Variants in SI observed in about 807,000 individuals in gnomAD.
SI encodes sucrase-isomaltase, intestinal.
In SI, 235 loss-of-function variants were observed where a neutral mutation model predicts 253.3. That is an observed-to-expected ratio of 0.93 (90% CI 0.83 to 1.03). The LOEUF is 1.03. Among genes scored for constraint, SI ranks in the 50% least tolerant of loss-of-function variants. The pLI is 0.00. For missense variants in SI, 2,442 were observed against 2,211.1 expected (o/e 1.10, Z -2.09); for synonymous variants, 819 against 712.0 (o/e 1.15, Z -2.39).
chr3:165,048,240 T>C (rs939859241), intron 15 of SI, among the ~76,000 whole-genome samples: 8 of 151,994 alleles, frequency 5.3e-5, no homozygotes, highest in African/African-American at 1.9e-4. Context: ...TACTGACTAT[T>C]GTATCACAGG....
At chr3:165,031,767 C>T (rs975557677) in intron 24 of SI, among the ~76,000 whole-genome samples, 1 of 150,574 alleles carries the variant, frequency 6.6e-6, no homozygotes, top group African/African-American at 2.4e-5. Context: ...AAAATAATTG[C>T]TTTCGTGTTT....
At chr3:165,011,662 A>G (rs1718772728) in intron 34 of SI, among the ~76,000 whole-genome samples, 2 of 148,194 alleles carry the variant, frequency 1.3e-5, no homozygotes, top group Non-Finnish European at 1.5e-5. Context: ...TTCTTTGTTG[A>G]TTTGCTCTCT....
In SI at chr3:164,982,428, G is replaced by A. The variant is rs772233521; in HGVS notation, c.5248-18C>T. 50 of 1,573,564 alleles carry A rather than the reference G, an allele frequency of 3.2e-5. No individual in the cohort carries two copies. In the South Asian group the frequency reaches 4.1e-4, roughly 13 times the overall value. ...AAGGTGGTCTATAAATAAAGAAAAA[G>A]GAATAACATAAACACTTTATTTGCA... On this transcript the variant is annotated intron_variant, in intron 46 of 47. Transcript: ENST00000264382.
chr3:165,002,687 T>C (rs1365605942), intron 37 of SI, among the ~76,000 whole-genome samples: 2 of 151,808 alleles, frequency 1.3e-5, no homozygotes, highest in Non-Finnish European at 3.0e-5. Context: ...AGTGTTTTTT[T>C]ACATTTGTCA....
intron 16 of SI, among the ~76,000 whole-genome samples, 164 bp downstream of exon 16, chr3:165,046,677 G>A (rs984292405): frequency 5.9e-5 from 9 of 151,748 alleles, no homozygotes; most frequent in African/African-American, 1.9e-4. Context: ...GGAAATTATA[G>A]ATACCATCTG....
Position 165,042,989 on chromosome 3 carries a change from T to C in SI, c.2004+70A>G. On this transcript the variant is annotated intron_variant, in intron 17 of 47. Transcript: ENST00000264382. ...TTTCAGACCATATACTCTATAGATTTAATTTAAGTACATTAATAAAAACTA... is the reference window on the plus strand; with the variant it reads ...TTTCAGACCATATACTCTATAGATTCAATTTAAGTACATTAATAAAAACTA... 3.2e-6 allele frequency: 3 copies of C among 934,504 alleles called. No homozygotes were observed. The South Asian group carries it at 3.9e-5, about 12-fold the overall frequency. 57.9% of individuals were successfully genotyped at this position (934,504 alleles called of 1,614,324 possible).
At chr3:165,018,186 C>A (rs1367935363) in intron 28 of SI, 120 bp from the exon 29 acceptor site, 33 of 677,932 alleles carry the variant, frequency 4.9e-5, no homozygotes, top group Non-Finnish European at 4.0e-5. Flanking sequence ...CGTTTCCCAA[C>A]CTTAAACTAT....
intron 3 of SI, among the ~76,000 whole-genome samples, chr3:165,072,445 C>A (rs954167602): frequency 4.0e-5 from 6 of 151,784 alleles, no homozygotes. Flanking sequence ...CCCTGAGTGA[C>A]AAAGTTTGAA....
rs976996867 is a variant in SI at position 165,008,065 on chromosome 3, T to C, written c.4180-67A>G. On this transcript the variant is annotated intron_variant, in intron 35 of 47. Transcript: ENST00000264382. The stretch of plus-strand genomic sequence containing the variant: ...TTACAACATATATTCTCAAAAGAGC[T>C]AGTTCAAAAAGTAAGTAGGTTAACA... The C allele has an allele frequency of 9.4e-6, 8 of 847,686 alleles. No homozygotes were observed. In the African/African-American group the frequency reaches 1.0e-4, roughly 11 times the overall value. 52.5% of individuals were successfully genotyped at this position (847,686 alleles called of 1,614,324 possible). A position where few individuals can be genotyped will look rare whatever the true frequency, so the allele number is the denominator to read the frequency against.
intron 45 of SI, among the ~76,000 whole-genome samples, chr3:164,986,068 T>C (rs375738686): frequency 1.2e-4 from 18 of 152,134 alleles, no homozygotes; most frequent in South Asian, 4.1e-4. Flanking sequence ...AGAGTAGATA[T>C]AAAAACACAG....
chr3:165,019,451 T>A, intron 28 of SI, 151 bp downstream of exon 28: 2 of 747,376 alleles, frequency 2.7e-6, no homozygotes, highest in Admixed American at 2.4e-5. Context: ...TTTGGGTTTG[T>A]TTCTCAGAAA....
At position 165,003,494 on chromosome 3, in the gene SI, T is replaced by C. The variant is rs528466656; in HGVS notation, c.4406+3322A>G. Among the ~76,000 whole-genome samples, 9 of 152,200 alleles carry C rather than the reference T, an allele frequency of 5.9e-5. No individual in the cohort carries two copies. In the East Asian group the frequency reaches 1.7e-3, roughly 29 times the overall value. ...TTAAAATAACTTAGTGTTTTATTTT[T>C]GGATTTGGTGAACAAGTGAGTTTTT... On this transcript the variant is annotated intron_variant, in intron 37 of 47. Coordinates refer to ENST00000264382, the MANE Select transcript of SI (RefSeq NM_001041.4).
At chr3:165,023,826 T>A (rs989920884) in intron 25 of SI, 50 bp from the exon 26 acceptor site, 1 of 1,312,312 alleles carries the variant, frequency 7.6e-7, no homozygotes, top group Non-Finnish European at 1.1e-6. Context: ...CCTTGTAATA[T>A]TTTACTCTTT....
At chr3:165,007,707 A>G (rs1027037228) in intron 36 of SI, among the ~76,000 whole-genome samples, 1 of 151,110 alleles carries the variant, frequency 6.6e-6, no homozygotes, top group Non-Finnish European at 1.5e-5. Flanking sequence ...GGTGTGGTCC[A>G]GTGTGTGGGT....
rs1394938979 is a variant in SI at position 165,059,090 on chromosome 3, T to C, written c.1279-8A>G. On this transcript the variant is annotated splice_polypyrimidine_tract_variant and splice_region_variant and intron_variant, in intron 11 of 47. Coordinates refer to ENST00000264382, the MANE Select transcript of SI (RefSeq NM_001041.4). Reference sequence around the variant, plus strand: ...TATGGAAATTGCAGGGTCCTAATAATAGAAAGCAGAAACTGCAAAATCTAT... The same window carrying C: ...TATGGAAATTGCAGGGTCCTAATAACAGAAAGCAGAAACTGCAAAATCTAT... 2 of 1,610,588 alleles carry C rather than the reference T, an allele frequency of 1.2e-6. No individual in the cohort carries two copies. The highest frequency in any genetic ancestry group is 1.3e-5 in the African/African-American group (1 of 74,442).
At chr3:165,065,565 G>A (rs1400302501) in intron 6 of SI, 133 bp from the exon 7 acceptor site, 1 of 197,684 alleles carries the variant, frequency 5.1e-6, no homozygotes, top group Non-Finnish European at 9.4e-6. Flanking sequence ...CCAGTGGTTA[G>A]CTTTGGTCAC....
intron 4 of SI, 77 bp from the exon 5 acceptor site, chr3:165,068,908 G>C: frequency 9.3e-7 from 1 of 1,076,902 alleles, no homozygotes; most frequent in Non-Finnish European, 1.4e-6. Flanking sequence ...TTATGTTATT[G>C]TATTTACCAC....
At chr3:165,059,825 G>A (rs1302798491) in intron 10 of SI, 77 bp downstream of exon 10, 3 of 1,454,158 alleles carry the variant, frequency 2.1e-6, no homozygotes, top group Admixed American at 3.4e-5. Flanking sequence ...AGATACTCCT[G>A]ACAATTTCCT....
At chr3:165,016,787 G>A (rs1211817460) in intron 31 of SI, among the ~76,000 whole-genome samples, 1 of 151,802 alleles carries the variant, frequency 6.6e-6, no homozygotes, top group Non-Finnish European at 1.5e-5. Flanking sequence ...AGAAAGTATG[G>A]TCAATAATGT....
Sources: allele counts gnomAD v4.1 joint callset (sites outside exome capture counted in the v4.1 genomes callset), GRCh38; gene constraint gnomAD v4.1.1; transcripts MANE v1.5; gene names NCBI Gene and HGNC (gene_info 2026-07-23, HGNC 2026-07-21).